Variants in FGGY observed in about 807,000 individuals in gnomAD.
FGGY encodes the protein FGGY carbohydrate kinase domain-containing protein.
FGGY carries 72 observed loss-of-function variants against 71.3 expected under a neutral mutation model. That is an observed-to-expected ratio of 1.01 (90% confidence interval 0.84 to 1.23). The LOEUF is 1.23. Ranked by LOEUF, FGGY falls within the 50% of genes most tolerant of loss-of-function variation. The probability of loss-of-function intolerance (pLI) is 0.00; values close to 1 mark genes in which losing one functional copy is unlikely to be tolerated. For missense variants in FGGY, 668 were observed against 682.3 expected (o/e 0.98, Z 0.23); for synonymous variants, 251 against 250.3 (o/e 1.00, Z -0.02).
At chr1:59,622,048 C>G (rs901255273) in intron 9 of FGGY, among the ~76,000 whole-genome samples, 3 of 151,860 alleles carry the variant, frequency 2.0e-5, no homozygotes, top group African/African-American at 7.3e-5. Context: ...GTCTCCCAGT[C>G]TAAGTCTCAT....
intron 11 of FGGY, among the ~76,000 whole-genome samples, chr1:59,652,232 T>C (rs1192263106): frequency 6.7e-6 from 1 of 148,420 alleles, no homozygotes; most frequent in Non-Finnish European, 1.5e-5. Flanking sequence ...TTATGTGTCT[T>C]GGAGTTGCTC....
intron 4 of FGGY, among the ~76,000 whole-genome samples, chr1:59,370,496 A>C (rs938413962): frequency 3.3e-5 from 5 of 152,214 alleles, no homozygotes; most frequent in African/African-American, 1.2e-4. Context: ...GATATTATCC[A>C]GGAGAACTTC....
At chr1:59,353,323 C>T (rs952040215) in intron 4 of FGGY, among the ~76,000 whole-genome samples, 1 of 152,156 alleles carries the variant, frequency 6.6e-6, no homozygotes, top group Non-Finnish European at 1.5e-5. Context: ...ATTTCAGTAA[C>T]ATCCTATCAC....
chr1:59,411,326 A>G (rs1215826174), intron 5 of FGGY, among the ~76,000 whole-genome samples: 1 of 152,256 alleles, frequency 6.6e-6, no homozygotes, highest in Non-Finnish European at 1.5e-5. Context: ...TTCACAGTGC[A>G]TCACAGCAGG....
At chr1:59,589,670 C>A (rs1409808757) in intron 8 of FGGY, among the ~76,000 whole-genome samples, 1 of 151,972 alleles carries the variant, frequency 6.6e-6, no homozygotes, top group Non-Finnish European at 1.5e-5. Flanking sequence ...AACTGAACAA[C>A]CTGCTCCTGA....
At chr1:59,619,257 T>C (rs544227097) in intron 9 of FGGY, among the ~76,000 whole-genome samples, 93 of 152,070 alleles carry the variant, frequency 6.1e-4, no homozygotes, top group Non-Finnish European at 9.1e-4. Context: ...TAAAACAGCC[T>C]CTTCTGCACT....
intron 1 of FGGY, 102 bp from the exon 2 acceptor site, chr1:59,321,434 T>TA: frequency 1.0e-6 from 1 of 967,062 alleles, no homozygotes; most frequent in South Asian, 1.6e-5. Flanking sequence ...TGGCTACCGG[T>TA]TAGGTAGCGG....
chr1:59,579,949 G>T (rs2096158200), intron 8 of FGGY, among the ~76,000 whole-genome samples: 1 of 152,080 alleles, frequency 6.6e-6, no homozygotes. Context: ...CAGCTGCCCT[G>T]ATTCTTTGCT....
At chr1:59,394,978 C>T (rs568405076) in intron 5 of FGGY, among the ~76,000 whole-genome samples, 1 of 151,972 alleles carries the variant, frequency 6.6e-6, no homozygotes, top group Non-Finnish European at 1.5e-5. Context: ...TATCATTTGC[C>T]CTTTTTTCTG....
At chr1:59,477,074 A>G (rs546748448) in intron 6 of FGGY, among the ~76,000 whole-genome samples, 2 of 152,340 alleles carry the variant, frequency 1.3e-5, no homozygotes, top group Admixed American at 6.5e-5. Context: ...TCAGTTGGAC[A>G]TCTGACCTCA....
At chr1:59,720,876 C>G (rs1463020020) in intron 14 of FGGY, among the ~76,000 whole-genome samples, 1 of 152,174 alleles carries the variant, frequency 6.6e-6, no homozygotes, top group African/African-American at 2.4e-5. Context: ...GGTGCTCACT[C>G]CCTTTCTAAT....
In FGGY at chr1:59,338,266, A is replaced by G. The variant is rs147548205; in HGVS notation, c.202-1692A>G. On this transcript the variant is annotated intron_variant, in intron 2 of 15. Transcript: ENST00000303721. The stretch of plus-strand genomic sequence containing the variant: ...TAATATTTTGTTAAGGATTTTTACT[A>G]TGTTCATGATAAATATTAGTCTGTA... Among the ~76,000 whole-genome samples the G allele has an allele frequency of 2.8e-4, 43 of 152,252 alleles. 1 individual carries two copies. In the East Asian group the frequency reaches 7.5e-3, roughly 27 times the overall value.
At chr1:59,755,735 G>A (rs1234658439) in intron 14 of FGGY, 1 of 152,176 alleles carries the variant, frequency 6.6e-6, no homozygotes, top group East Asian at 1.9e-4. Flanking sequence ...GTTGCAGTGG[G>A]AAGGAAAATA....
At chr1:59,460,611 C>T (rs1164562963) in intron 6 of FGGY, among the ~76,000 whole-genome samples, 1 of 152,182 alleles carries the variant, frequency 6.6e-6, no homozygotes, top group East Asian at 1.9e-4. Context: ...CAAGTGGGTC[C>T]CTCACCCCCG....
intron 5 of FGGY, among the ~76,000 whole-genome samples, chr1:59,455,550 C>A (rs934969874): frequency 6.6e-6 from 1 of 152,028 alleles, no homozygotes; most frequent in Non-Finnish European, 1.5e-5. Context: ...TGGACTTTGT[C>A]CTGAAGTTAG....
intron 8 of FGGY, among the ~76,000 whole-genome samples, chr1:59,562,785 G>T (rs2095812779): frequency 6.6e-6 from 1 of 152,112 alleles, no homozygotes; most frequent in Non-Finnish European, 1.5e-5. Context: ...ATCAAAAAGG[G>T]GCACAAGGAA....
chr1:59,653,505 G>T (rs1006468201), intron 11 of FGGY, among the ~76,000 whole-genome samples: 2 of 152,148 alleles, frequency 1.3e-5, no homozygotes, highest in Non-Finnish European at 2.9e-5. Context: ...GGGTGGGAGT[G>T]ACCCGATTTT....
chr1:59,530,307 T>G (rs1288612898), intron 7 of FGGY, among the ~76,000 whole-genome samples: 4 of 152,226 alleles, frequency 2.6e-5, no homozygotes, highest in African/African-American at 9.6e-5. Flanking sequence ...GTAATTTTAA[T>G]AATTAATAGC....
At chr1:59,657,330 G>A (rs903957157) in intron 11 of FGGY, among the ~76,000 whole-genome samples, 16 of 152,308 alleles carry the variant, frequency 1.1e-4, no homozygotes, top group Non-Finnish European at 1.8e-4. Flanking sequence ...GATGACCAGA[G>A]AGAGGAAGCC....
Sources: gnomAD v4.1 joint callset for allele counts (sites outside exome capture counted in the v4.1 genomes callset) on GRCh38, gnomAD v4.1.1 for gene constraint, MANE v1.5 for transcripts, NCBI Gene and HGNC (gene_info 2026-07-23, HGNC 2026-07-21) for gene names.